UBE2E2: variants seen among roughly 807,000 people sequenced by gnomAD.
UBE2E2 encodes the protein ubiquitin conjugating enzyme E2 E2.
Under a neutral mutation model 24.7 loss-of-function variants are expected in UBE2E2, and 6 were observed. That is an observed-to-expected ratio of 0.24 (90% CI 0.13 to 0.48). The LOEUF is 0.48. Among genes scored for constraint, UBE2E2 ranks in the 20% least tolerant of loss-of-function variants. The pLI is 0.99. For synonymous variants in UBE2E2, 104 were observed against 83.6 expected (o/e 1.24, Z -1.33); for missense variants, 169 against 245.0 (o/e 0.69, Z 2.07).
intron 5 of UBE2E2, among the ~76,000 whole-genome samples, chr3:23,563,794 T>G (rs181809335): frequency 1.6e-3 from 237 of 152,198 alleles, no homozygotes; most frequent in African/African-American, 5.5e-3. Context: ...ATTCTATTAA[T>G]ATTATTTGCC....
chr3:23,419,906 T>A (rs567594023), intron 3 of UBE2E2, among the ~76,000 whole-genome samples: 1 of 152,232 alleles, frequency 6.6e-6, no homozygotes, highest in East Asian at 1.9e-4. Flanking sequence ...AGTCCAAGGG[T>A]CTTCTGCCTC....
At chr3:23,239,727 A>G (rs1483299249) in intron 3 of UBE2E2, among the ~76,000 whole-genome samples, 2 of 152,194 alleles carry the variant, frequency 1.3e-5, no homozygotes, top group East Asian at 1.9e-4. Flanking sequence ...TACATAAGCC[A>G]GGCACTGTGC....
chr3:23,233,112 A>G (rs1454091447), intron 3 of UBE2E2, among the ~76,000 whole-genome samples: 1 of 152,188 alleles, frequency 6.6e-6, no homozygotes, highest in Non-Finnish European at 1.5e-5. Context: ...GTAGGGGTGC[A>G]GTGGAGTGAG....
At chr3:23,449,008 T>C (rs557305268) in intron 3 of UBE2E2, among the ~76,000 whole-genome samples, 4 of 152,324 alleles carry the variant, frequency 2.6e-5, no homozygotes, top group Middle Eastern at 3.4e-3. Context: ...CCATCATCCA[T>C]AGAGTTCTAT....
chr3:23,316,157 A>G (rs1296821883), intron 3 of UBE2E2, among the ~76,000 whole-genome samples: 4 of 151,916 alleles, frequency 2.6e-5, no homozygotes, highest in African/African-American at 9.7e-5. Context: ...AAGGTCCTAG[A>G]GCTTTGCCGT....
intron 3 of UBE2E2, among the ~76,000 whole-genome samples, chr3:23,378,704 T>C (rs1696585144): frequency 6.6e-6 from 1 of 152,196 alleles, no homozygotes; most frequent in Non-Finnish European, 1.5e-5. Flanking sequence ...TTACTTATGC[T>C]TTTTTAAAAA....
At chr3:23,215,227 A>G (rs1696444953) in intron 2 of UBE2E2, among the ~76,000 whole-genome samples, 1 of 152,146 alleles carries the variant, frequency 6.6e-6, no homozygotes, top group Admixed American at 6.5e-5. Flanking sequence ...TACATCTTCA[A>G]AGTTAATAAC....
chr3:23,588,138 G>GT (rs1171462572), intron 5 of UBE2E2, among the ~76,000 whole-genome samples: 1 of 152,144 alleles, frequency 6.6e-6, no homozygotes, highest in Non-Finnish European at 1.5e-5. Context: ...CAAGTTGCCG[G>GT]TGGTGTTGGG....
At chr3:23,434,476 A>G (rs1278320799) in intron 3 of UBE2E2, among the ~76,000 whole-genome samples, 1 of 152,104 alleles carries the variant, frequency 6.6e-6, no homozygotes. Flanking sequence ...CGAAACAGAT[A>G]CTCCCAAAAT....
chr3:23,349,773 G>C (rs1042439811), intron 3 of UBE2E2, among the ~76,000 whole-genome samples: 1 of 152,246 alleles, frequency 6.6e-6, no homozygotes, highest in Non-Finnish European at 1.5e-5. Context: ...AAGGAGGCCT[G>C]CCTGCCTCTG....
chr3:23,335,875 C>T (rs4858505), intron 3 of UBE2E2, among the ~76,000 whole-genome samples: 84,369 of 152,000 alleles, frequency 0.56, 23,642 homozygotes, highest in Admixed American at 0.66. Context: ...ACAAAACTTA[C>T]TACGAACAAG....
At chr3:23,538,576 G>A (rs897313376) in intron 5 of UBE2E2, among the ~76,000 whole-genome samples, 31 of 152,074 alleles carry the variant, frequency 2.0e-4, no homozygotes, top group African/African-American at 7.2e-4. Flanking sequence ...CTGGGACACC[G>A]TCCCCTTCCC....
intron 3 of UBE2E2, among the ~76,000 whole-genome samples, chr3:23,269,993 C>A (rs1056409383): frequency 3.3e-5 from 5 of 152,140 alleles, no homozygotes; most frequent in Admixed American, 3.3e-4. Flanking sequence ...AGAGTCCCTT[C>A]TGTATAACTG....
chr3:23,527,151 A>G (rs1695017023), intron 4 of UBE2E2, among the ~76,000 whole-genome samples: 1 of 152,226 alleles, frequency 6.6e-6, no homozygotes, highest in South Asian at 2.1e-4. Context: ...CTATAATGAA[A>G]CATAGTGATA....
At chr3:23,499,385 G>A (rs994850399) in intron 3 of UBE2E2, among the ~76,000 whole-genome samples, 7 of 152,220 alleles carry the variant, frequency 4.6e-5, no homozygotes, top group Non-Finnish European at 1.0e-4. Context: ...GTAGGGTTGT[G>A]AATGGCAAAA....
intron 3 of UBE2E2, among the ~76,000 whole-genome samples, chr3:23,382,787 G>A (rs944053165): frequency 6.6e-6 from 1 of 152,108 alleles, no homozygotes; most frequent in Non-Finnish European, 1.5e-5. Context: ...AATAACTGTT[G>A]TAAGATTGTG....
At chr3:23,271,410 A>C (rs1490556914) in intron 3 of UBE2E2, among the ~76,000 whole-genome samples, 1 of 152,198 alleles carries the variant, frequency 6.6e-6, no homozygotes, top group African/African-American at 2.4e-5. Flanking sequence ...GAGCAGCAGC[A>C]AGATTTATTG....
At chr3:23,409,307 C>T (rs1227136677) in intron 3 of UBE2E2, among the ~76,000 whole-genome samples, 2 of 152,174 alleles carry the variant, frequency 1.3e-5, no homozygotes, top group Non-Finnish European at 2.9e-5. Context: ...AGAAAACGTT[C>T]CATGGCTGTG....
intron 3 of UBE2E2, among the ~76,000 whole-genome samples, chr3:23,350,307 G>C (rs1301851293): frequency 2.0e-5 from 3 of 152,144 alleles, no homozygotes; most frequent in Non-Finnish European, 4.4e-5. Flanking sequence ...AGAAAAACTG[G>C]AAACCCTAAA....
Sources: allele counts gnomAD v4.1 joint callset (sites outside exome capture counted in the v4.1 genomes callset), GRCh38; gene constraint gnomAD v4.1.1; transcripts MANE v1.5; gene names NCBI Gene and HGNC (gene_info 2026-07-23, HGNC 2026-07-21).